CRHR1: variants seen among roughly 807,000 people sequenced by gnomAD.
CRHR1 encodes corticotropin releasing hormone receptor 1.
CRHR1 carries 28 observed loss-of-function variants against 56.0 expected under a neutral mutation model. The ratio of observed to expected loss-of-function variants is 0.50; its 90% CI spans 0.37 to 0.69. CRHR1 has a LOEUF of 0.69. Ranked by LOEUF, CRHR1 falls within the 30% of genes least tolerant of loss-of-function variation. The pLI is 0.00. For missense variants in CRHR1, 376 were observed against 548.0 expected (o/e 0.69, Z 3.13); for synonymous variants, 195 against 216.5 (o/e 0.90, Z 0.87).
At position 45,784,843 on chromosome 17, in the gene CRHR1, G is replaced by A. The variant is rs1007916230; in HGVS notation, c.33+266G>A. 1.3e-5 allele frequency among the ~76,000 whole-genome samples: 2 copies of A among 152,188 alleles called. No homozygotes were observed. The highest frequency in any genetic ancestry group is 1.3e-4 in the Admixed American group (2 of 15,294). On this transcript the variant is annotated intron_variant, in intron 1 of 12. Coordinates refer to ENST00000314537, the MANE Select transcript of CRHR1 (RefSeq NM_004382.5). The surrounding 1 kb of genome is among the most constrained non-coding windows in gnomAD (Gnocchi z 4.2). ...AGGGGGTCCGCCCACCCGGGTAGCC[G>A]GCTCCGCGCCAAGAATCGCTCTAGG... is the stretch of plus-strand genomic sequence containing the variant.
At chr17:45,832,974 A>T (rs1472638316) in intron 8 of CRHR1, among the ~76,000 whole-genome samples, 164 bp from the exon 9 acceptor site, 1 of 152,254 alleles carries the variant, frequency 6.6e-6, no homozygotes, top group East Asian at 1.9e-4. Flanking sequence ...CAATTGAGGC[A>T]TGGCAGTGGG....
intron 1 of CRHR1, among the ~76,000 whole-genome samples, chr17:45,791,264 C>T (rs375861878): frequency 1.6e-4 from 24 of 152,128 alleles, no homozygotes; most frequent in African/African-American, 1.2e-4. Context: ...CGGGTCCAGG[C>T]GGGGTTTTAC....
chr17:45,833,352 G>GT, intron 9 of CRHR1, 100 bp from the exon 10 acceptor site: 1 of 1,455,414 alleles, frequency 6.9e-7, no homozygotes, highest in South Asian at 1.2e-5. Context: ...AGGTGCTCAT[G>GT]AGGAGGAGGG....
intron 1 of CRHR1, among the ~76,000 whole-genome samples, chr17:45,791,621 A>G (rs1483382488): frequency 6.6e-6 from 1 of 151,970 alleles, no homozygotes; most frequent in East Asian, 1.9e-4. Context: ...TCCTCCACCC[A>G]TCCCTATCCT....
In CRHR1 at chr17:45,833,482, C is replaced by T. The variant is rs771322963; in HGVS notation, c.874C>T (p.Arg292Cys). Residue 292 changes from arginine (R) to cysteine (C), a missense_variant, in exon 10 of 13, where the codon CGC becomes TGC. By Grantham distance (180) the Arg-to-Cys change is radical (BLOSUM62 -3). Around this residue, in one of 2 missense-constraint regions of CRHR1, gnomAD observed 369 missense variants for 519.5 expected, o/e 0.71. Coordinates refer to ENST00000314537, the MANE Select transcript of CRHR1 (RefSeq NM_004382.5). ...TTTCATCTTCCTTTTCAACATCGTC[C>T]GCATCCTCATGACCAAGCTCCGGGC... ...INFIFLFNIV[R>C]ILMTKLRAST... is the part of the protein sequence containing the mutation. 5.0e-6 allele frequency: 8 copies of T among 1,613,908 alleles called. No individual in the cohort carries two copies. The highest frequency in any genetic ancestry group is 2.7e-5 in the African/African-American group (2 of 74,890).
intron 8 of CRHR1, among the ~76,000 whole-genome samples, chr17:45,832,216 A>G (rs2062329031): frequency 6.6e-6 from 1 of 152,234 alleles, no homozygotes; most frequent in East Asian, 1.9e-4. Context: ...TGGGCAACAG[A>G]GTGAGACTCC....
At position 45,830,404 on chromosome 17, in the gene CRHR1, G is replaced by C; in HGVS notation, c.556-13G>C. 6.3e-7 allele frequency: 1 copy of C among 1,599,238 alleles called. No homozygotes were observed. Among genetic ancestry groups the C allele is most frequent in the Non-Finnish European group, 8.5e-7 (1 of 1,171,484 alleles). On this transcript the variant is annotated splice_polypyrimidine_tract_variant and intron_variant, in intron 6 of 12. Transcript: ENST00000314537. Reference sequence around the variant, plus strand: ...CCCCCCATCATCATCTCTGGTTGGGGGTGGGGTGGCAGGGCTGGTGCAGGT... The same window carrying C: ...CCCCCCATCATCATCTCTGGTTGGGCGTGGGGTGGCAGGGCTGGTGCAGGT...
At chr17:45,799,380 C>T (rs2061578873) in intron 1 of CRHR1, 1 of 152,260 alleles carries the variant, frequency 6.6e-6, no homozygotes, top group South Asian at 2.1e-4. Flanking sequence ...CGCTTTATTT[C>T]TGCAAACCAG....
At chr17:45,790,427 C>A (rs1302057910) in intron 1 of CRHR1, among the ~76,000 whole-genome samples, 1 of 152,178 alleles carries the variant, frequency 6.6e-6, no homozygotes, top group Non-Finnish European at 1.5e-5. Flanking sequence ...AAGACGGGTT[C>A]CCCTTCACGT....
At chr17:45,790,552 T>C (rs975939108) in intron 1 of CRHR1, among the ~76,000 whole-genome samples, 1 of 152,242 alleles carries the variant, frequency 6.6e-6, no homozygotes, top group Non-Finnish European at 1.5e-5. Flanking sequence ...CTTTCTGCCC[T>C]ATAAGCACAG....
chr17:45,834,168 C>A (rs1205106502), intron 12 of CRHR1, 120 bp downstream of exon 12: 6 of 1,239,030 alleles, frequency 4.8e-6, no homozygotes, highest in Non-Finnish European at 7.0e-6. Flanking sequence ...GCTCCTAGGT[C>A]CCTAGGGGTA....
intron 1 of CRHR1, among the ~76,000 whole-genome samples, chr17:45,796,208 G>A (rs1462092830): frequency 2.6e-5 from 4 of 152,156 alleles, no homozygotes; most frequent in Non-Finnish European, 2.9e-5. Flanking sequence ...CCACACCTCG[G>A]CTGTGCCTCC....
intron 4 of CRHR1, among the ~76,000 whole-genome samples, chr17:45,823,935 C>T (rs1383729422): frequency 6.6e-6 from 1 of 152,212 alleles, no homozygotes; most frequent in Non-Finnish European, 1.5e-5. Flanking sequence ...TCCCACAGGC[C>T]AGACCTTTGG....
rs3826423 is a variant in CRHR1, at chr17:45,814,711, G to A, written c.122-1752G>A. Among the ~76,000 whole-genome samples, 282 of 152,042 alleles carry A rather than the reference G, an allele frequency of 1.9e-3. 3 individuals are homozygous for A. The East Asian group carries it at 0.022, about 12-fold the overall frequency. On this transcript the variant is annotated intron_variant, in intron 2 of 12. Coordinates refer to ENST00000314537, the MANE Select transcript of CRHR1 (RefSeq NM_004382.5). ...GGTTAAAATCCCAGCCTGGTACGCC[G>A]TTGCCTCGGATGGCCCTGCTTCCTC...
chr17:45,833,403 G>A, intron 9 of CRHR1, 49 bp from the exon 10 acceptor site: 2 of 1,592,394 alleles, frequency 1.3e-6, no homozygotes, highest in Non-Finnish European at 1.7e-6. Flanking sequence ...AGAAGCCTGG[G>A]TCCCAAGCCT....
At chr17:45,816,653 G>A in intron 3 of CRHR1, 71 bp downstream of exon 3, 1 of 1,601,656 alleles carries the variant, frequency 6.2e-7, no homozygotes, top group South Asian at 1.1e-5. Context: ...GGAGGTGGGG[G>A]AAGGAAGAAT....
intron 8 of CRHR1, 114 bp from the exon 9 acceptor site, chr17:45,833,024 C>A: frequency 3.4e-6 from 3 of 885,114 alleles, no homozygotes; most frequent in South Asian, 2.8e-5. Flanking sequence ...GGAATTGGGA[C>A]ATCTACCTCT....
intron 5 of CRHR1, 71 bp from the exon 6 acceptor site, chr17:45,830,023 T>TGAG: frequency 6.3e-7 from 1 of 1,598,672 alleles, no homozygotes; most frequent in South Asian, 1.1e-5. Context: ...TGGGCTGGGG[T>TGAG]GATGGAGGTG....
At chr17:45,829,614 C>G (rs576726381) in intron 5 of CRHR1, 21 of 1,550,936 alleles carry the variant, frequency 1.4e-5, no homozygotes, top group Non-Finnish European at 1.7e-5. Context: ...GAGGTGGGGG[C>G]TCCATGGAGT....
Sources: gnomAD v4.1 joint callset for allele counts (sites outside exome capture counted in the v4.1 genomes callset) on GRCh38, gnomAD v4.1.1 for gene constraint, gnomAD v4.1.1 regional missense constraint, Gnocchi (gnomAD v3.1) non-coding constraint, MANE v1.5 for transcripts, NCBI Gene and HGNC (gene_info 2026-07-23, HGNC 2026-07-21) for gene names.